Variants in C19orf44 observed in about 807,000 individuals in gnomAD.
The protein encoded by C19orf44 is uncharacterized protein C19orf44.
In C19orf44, 43 loss-of-function variants were observed where a neutral mutation model predicts 50.7. The observed-to-expected ratio is 0.85, with a 90% CI of 0.66 to 1.09. The LOEUF is 1.09. Among genes scored for constraint, C19orf44 ranks in the 50% least tolerant of loss-of-function variants. The pLI is 0.00. For missense variants in C19orf44, 722 were observed against 836.2 expected, an observed-to-expected ratio of 0.86 and a Z score of 1.68; for synonymous variants, 298 against 334.7, an observed-to-expected ratio of 0.89 and a Z score of 1.20.
At position 16,520,911 on chromosome 19, in the gene C19orf44, C is replaced by G; in HGVS notation, c.*858C>G. The stretch of plus-strand genomic sequence containing the variant: ...TAGAGGCCGTTCTGCTCCCAGCCTT[C>G]ACTGTAAGACACGGCATTCCGTGTG... On this transcript the variant is annotated 3_prime_UTR_variant, in exon 9 of 9. Transcript: ENST00000221671. This position sits in a 1 kb window ranked among gnomAD's most constrained non-coding sequence, Gnocchi z 4.0. 1 of 1,613,578 alleles carries G rather than the reference C, an allele frequency of 6.2e-7. No individual in the cohort carries two copies. The highest frequency in any genetic ancestry group is 8.5e-7 in the Non-Finnish European group (1 of 1,179,894).
chr19:16,514,851 G>A (rs1261993767), intron 7 of C19orf44, among the ~76,000 whole-genome samples, 188 bp downstream of exon 7: 1 of 152,214 alleles, frequency 6.6e-6, no homozygotes, highest in African/African-American at 2.4e-5. Context: ...GCAAAAGCTG[G>A]TACAGGGTGG....
At chr19:16,513,993 AT>A (rs201243218) in intron 6 of C19orf44, among the ~76,000 whole-genome samples, 18,479 of 146,458 alleles carry the variant, frequency 0.13, 1,174 homozygotes, top group Non-Finnish European at 0.14. Flanking sequence ...CAATTTTTTA[AT>A]TTTTTTTTTT....
chr19:16,508,964 A>G (rs1259835276), intron 4 of C19orf44, among the ~76,000 whole-genome samples: 1 of 151,798 alleles, frequency 6.6e-6, no homozygotes, highest in Non-Finnish European at 1.5e-5. Context: ...GGGATTACAG[A>G]TACGTGCCAC....
chr19:16,518,523 A>C (rs2085570514), intron 8 of C19orf44: 1 of 152,262 alleles, frequency 6.6e-6, no homozygotes, highest in Non-Finnish European at 1.5e-5. Context: ...ATTAGGTTTC[A>C]GAATCTCACT....
chr19:16,508,608 A>C (rs1441974088), intron 4 of C19orf44, among the ~76,000 whole-genome samples: 4 of 151,564 alleles, frequency 2.6e-5, no homozygotes, highest in African/African-American at 7.3e-5. Context: ...CTGGTCTTGA[A>C]CTCCCAGCTT....
chr19:16,508,751 G>A, intron 4 of C19orf44, among the ~76,000 whole-genome samples: 1 of 151,956 alleles, frequency 6.6e-6, no homozygotes, highest in East Asian at 1.9e-4. Context: ...ATGTCTCCCA[G>A]GCAGGTCTTG....
At chr19:16,504,823 CT>C (rs201354846) in intron 3 of C19orf44, among the ~76,000 whole-genome samples, 87 of 138,192 alleles carry the variant, frequency 6.3e-4, no homozygotes, top group Admixed American at 7.4e-4. Context: ...TGAGGCTGGT[CT>C]TTTTTTTTTT....
chr19:16,512,802 T>C (rs2093461227), intron 5 of C19orf44, among the ~76,000 whole-genome samples: 1 of 51,976 alleles, frequency 1.9e-5, no homozygotes, highest in Non-Finnish European at 3.5e-5. Flanking sequence ...GAGGCTGTAG[T>C]GAGCTGTGAT....
chr19:16,506,633 G>A (rs1220236763), intron 3 of C19orf44, 68 bp from the exon 4 acceptor site: 4 of 1,073,352 alleles, frequency 3.7e-6, no homozygotes, highest in Non-Finnish European at 3.9e-6. Context: ...AATTTGGAAG[G>A]TTTGTAAAAA....
At chr19:16,513,494 C>G (rs1272892220) in intron 6 of C19orf44, among the ~76,000 whole-genome samples, 1 of 152,172 alleles carries the variant, frequency 6.6e-6, no homozygotes. Context: ...AGCGATTCTC[C>G]TGCCTCAGCC....
intron 5 of C19orf44, 120 bp downstream of exon 5, chr19:16,510,108 A>T: frequency 6.7e-7 from 1 of 1,503,758 alleles, no homozygotes; most frequent in Non-Finnish European, 9.1e-7. Context: ...TCTTGTTATT[A>T]ATCACCTGGA....
chr19:16,503,420 G>T (rs1244392124), intron 3 of C19orf44, 40 bp downstream of exon 3: 1 of 1,571,290 alleles, frequency 6.4e-7, no homozygotes, highest in Admixed American at 1.7e-5. Flanking sequence ...CCTTGGGCAG[G>T]AAGGGTGGGG....
intron 5 of C19orf44, among the ~76,000 whole-genome samples, chr19:16,510,399 T>C (rs2093453860): frequency 6.6e-6 from 1 of 151,898 alleles, no homozygotes; most frequent in African/African-American, 2.4e-5. Flanking sequence ...AGACTCTGTC[T>C]CAAAAAAAAT....
intron 7 of C19orf44, among the ~76,000 whole-genome samples, chr19:16,516,097 T>C (rs2093470902): frequency 6.6e-6 from 1 of 152,160 alleles, no homozygotes; most frequent in African/African-American, 2.4e-5. Context: ...CGCCCCCTGC[T>C]TTAAACATTT....
chr19:16,519,277 T>C lies in C19orf44; in HGVS notation c.*41-817T>C, dbSNP rs1276249541. On this transcript the variant is annotated intron_variant, in intron 8 of 8. Coordinates refer to ENST00000221671, the MANE Select transcript of C19orf44 (RefSeq NM_032207.4). The surrounding 1 kb of genome is among the most constrained non-coding windows in gnomAD (Gnocchi z 6.0). ...CACGCCTTTATACTGGTCCCACTTA[T>C]CCCGGACGTCCCCGCCCTTGATGGG... 1.2e-6 allele frequency: 2 copies of C among 1,613,918 alleles called. No individual in the cohort carries two copies. The highest frequency in any genetic ancestry group is 2.2e-5 in the East Asian group (1 of 44,892).
At chr19:16,510,451 T>C (rs1475208878) in intron 5 of C19orf44, among the ~76,000 whole-genome samples, 1 of 152,078 alleles carries the variant, frequency 6.6e-6, no homozygotes, top group African/African-American at 2.4e-5. Context: ...TCCTCTTCCA[T>C]GGACGAGGGA....
chr19:16,510,064 C>T, intron 5 of C19orf44, 76 bp downstream of exon 5: 1 of 1,603,634 alleles, frequency 6.2e-7, no homozygotes, highest in Non-Finnish European at 8.5e-7. Flanking sequence ...TCCTGGGAGA[C>T]ACGTGGGAGA....
At chr19:16,504,038 T>C (rs1351103443) in intron 3 of C19orf44, among the ~76,000 whole-genome samples, 1 of 151,934 alleles carries the variant, frequency 6.6e-6, no homozygotes, top group East Asian at 1.9e-4. Context: ...ATTAACTGGG[T>C]GTGGTTGTGC....
chr19:16,500,826 C>G lies in C19orf44; in HGVS notation c.34C>G (p.Arg12Gly). The G allele has an allele frequency of 6.3e-7, 1 of 1,596,906 alleles. No individual in the cohort carries two copies. Residue 12 changes from arginine to glycine, a missense_variant, in exon 2 of 9, where the codon CGT becomes GGT. By Grantham distance (125) the Arg-to-Gly change is moderately radical. Coordinates refer to ENST00000221671, the MANE Select transcript of C19orf44 (RefSeq NM_032207.4). The stretch of plus-strand genomic sequence containing the variant: ...TGCAAGGAAAGCCAGCCGTCCCATG[C>G]GTGATGTTTTTGGTGACTTCAGTGA... ...ASARKASRPM[R>G]DVFGDFSDVS...
Sources: gnomAD v4.1 joint callset for allele counts (sites outside exome capture counted in the v4.1 genomes callset) on GRCh38, gnomAD v4.1.1 for gene constraint, Gnocchi (gnomAD v3.1) non-coding constraint, MANE v1.5 for transcripts, NCBI Gene and HGNC (gene_info 2026-07-23, HGNC 2026-07-21) for gene names.